ANGPT2: variants seen among roughly 807,000 people sequenced by gnomAD.
The protein encoded by ANGPT2 is angiopoietin 2, also known as angiopoietin-2.
ANGPT2 carries 28 observed loss-of-function variants against 62.9 expected under a neutral mutation model. The observed-to-expected ratio is 0.44, with a 90% CI of 0.33 to 0.61. The LOEUF (loss-of-function observed/expected upper bound fraction) is 0.61. Among genes scored for constraint, ANGPT2 ranks in the 20% least tolerant of loss-of-function variants. The pLI, the probability that ANGPT2 is intolerant of heterozygous loss-of-function variation, is 0.03. For missense variants in ANGPT2, 727 were observed against 594.9 expected (o/e 1.22, Z -2.31); for synonymous variants, 284 against 207.8 (o/e 1.37, Z -3.15).
At chr8:6,523,336 T>G (rs147906475) in intron 3 of ANGPT2, among the ~76,000 whole-genome samples, 138 of 152,226 alleles carry the variant, frequency 9.1e-4, no homozygotes, top group African/African-American at 3.3e-3. Context: ...CTGGTAAAAT[T>G]ATGCCATGTA....
intron 5 of ANGPT2, 125 bp from the exon 6 acceptor site, chr8:6,514,903 C>T (rs1021942318): frequency 1.4e-6 from 1 of 717,376 alleles, no homozygotes; most frequent in Non-Finnish European, 2.4e-6. Context: ...GGATATAAGG[C>T]ACGGAGTAGA....
At chr8:6,540,593 AGGC>A in intron 1 of ANGPT2, among the ~76,000 whole-genome samples, 1 of 152,228 alleles carries the variant, frequency 6.6e-6, no homozygotes, top group Admixed American at 6.5e-5. Flanking sequence ...AGACGTTGTC[AGGC>A]CACGTCTGCA....
rs758147388 is a variant in ANGPT2, at chr8:6,514,731, C to T, written c.975G>A (p.Gln325=). 7.4e-6 allele frequency: 12 copies of T among 1,614,078 alleles called. No homozygotes were observed. In the South Asian group the frequency reaches 1.1e-4, roughly 15 times the overall value. Residue 325 remains glutamine, a synonymous_variant, in exon 6 of 9, where the codon CAG becomes CAA. Coordinates refer to ENST00000629816, the MANE Select transcript of ANGPT2 (RefSeq NM_001118887.2). Reference sequence around the variant, plus strand: ...AATCAACGCTGCCATCCTCACGTCGCTGAATAATTGTCCACCCGCCTCCTC... The same window carrying T: ...AATCAACGCTGCCATCCTCACGTCGTTGAATAATTGTCCACCCGCCTCCTC... ...EAGGGGWTII[Q]RREDGSVDFQ...
At chr8:6,547,413 C>T (rs1444815633) in intron 1 of ANGPT2, among the ~76,000 whole-genome samples, 7 of 152,138 alleles carry the variant, frequency 4.6e-5, no homozygotes, top group Admixed American at 4.6e-4. Context: ...GAAATTTCCT[C>T]TCCCCTTTCA....
chr8:6,543,548 G>C (rs1212011979), intron 1 of ANGPT2, among the ~76,000 whole-genome samples: 2 of 152,164 alleles, frequency 1.3e-5, no homozygotes, highest in Admixed American at 6.6e-5. Context: ...CCAAACCATA[G>C]GGAAAAGCGC....
intron 1 of ANGPT2, among the ~76,000 whole-genome samples, chr8:6,554,502 G>C (rs1213064986): frequency 6.6e-6 from 1 of 151,906 alleles, no homozygotes; most frequent in Non-Finnish European, 1.5e-5. Flanking sequence ...TCTTTAAAAA[G>C]CTCCATTGTC....
chr8:6,559,696 TC>T (rs577888871), intron 1 of ANGPT2, among the ~76,000 whole-genome samples: 2 of 152,360 alleles, frequency 1.3e-5, no homozygotes, highest in South Asian at 2.1e-4. Flanking sequence ...TCCTGTGGTC[TC>T]CTAGCAAAAT....
intron 3 of ANGPT2, among the ~76,000 whole-genome samples, chr8:6,524,135 G>C (rs916035490): frequency 6.6e-6 from 1 of 152,122 alleles, no homozygotes; most frequent in African/African-American, 2.4e-5. Context: ...CCAATATAAA[G>C]TTTAGTACAC....
intron 6 of ANGPT2, 112 bp downstream of exon 6, chr8:6,514,565 C>T: frequency 1.1e-6 from 1 of 927,052 alleles, no homozygotes; most frequent in South Asian, 1.5e-5. Context: ...ATTTTAAAAA[C>T]CATGTCAAAA....
intron 1 of ANGPT2, among the ~76,000 whole-genome samples, chr8:6,540,813 G>A (rs1246285576): frequency 6.6e-6 from 1 of 152,266 alleles, no homozygotes; most frequent in African/African-American, 2.4e-5. Context: ...CCGAACAGGC[G>A]CGGGAGGCAG....
intron 1 of ANGPT2, among the ~76,000 whole-genome samples, chr8:6,546,801 C>G (rs1444067158): frequency 5.3e-5 from 8 of 152,158 alleles, no homozygotes; most frequent in Admixed American, 3.9e-4. Flanking sequence ...CAAGTATTGC[C>G]TTTAATTGTA....
intron 7 of ANGPT2, among the ~76,000 whole-genome samples, chr8:6,511,359 T>C (rs1434307990): frequency 6.6e-6 from 1 of 152,120 alleles, no homozygotes; most frequent in Non-Finnish European, 1.5e-5. Flanking sequence ...AGAGGTAACA[T>C]CAACATTAAC....
intron 1 of ANGPT2, among the ~76,000 whole-genome samples, chr8:6,539,732 G>T (rs527877513): frequency 6.6e-6 from 1 of 152,076 alleles, no homozygotes; most frequent in Non-Finnish European, 1.5e-5. Context: ...GGTTACAGGC[G>T]CACACCACCA....
chr8:6,532,769 G>A (rs1235579908), intron 1 of ANGPT2, among the ~76,000 whole-genome samples: 1 of 152,166 alleles, frequency 6.6e-6, no homozygotes, highest in Non-Finnish European at 1.5e-5. Context: ...CCATGTCATG[G>A]CAGGCCACAG....
intron 8 of ANGPT2, among the ~76,000 whole-genome samples, chr8:6,504,810 G>C (rs1271259736): frequency 3.9e-5 from 6 of 152,258 alleles, no homozygotes; most frequent in African/African-American, 2.4e-5. Context: ...AACTTTGTAA[G>C]TATGTGTGAA....
rs1815888658 is a variant in ANGPT2, at chr8:6,514,668, T to C, written c.1029+9A>G. On this transcript the variant is annotated intron_variant, in intron 6 of 8. Transcript: ENST00000629816. ...AATTCTTTTCTGATGCCTTAAAGAATGTCCTTACCACTTTATATTCTTTCC... is the reference window on the plus strand; with the variant it reads ...AATTCTTTTCTGATGCCTTAAAGAACGTCCTTACCACTTTATATTCTTTCC... 1 of 1,612,444 alleles carries C rather than the reference T, an allele frequency of 6.2e-7. No homozygotes were observed. Among genetic ancestry groups the C allele is most frequent in the Non-Finnish European group, 8.5e-7 (1 of 1,178,514 alleles).
chr8:6,558,622 G>T (rs1355234542), intron 1 of ANGPT2, among the ~76,000 whole-genome samples: 2 of 152,248 alleles, frequency 1.3e-5, no homozygotes, highest in Admixed American at 6.5e-5. Context: ...AAGATTTTCA[G>T]AGTTCAGTAT....
At chr8:6,553,077 C>T (rs1175413158) in intron 1 of ANGPT2, among the ~76,000 whole-genome samples, 2 of 152,038 alleles carry the variant, frequency 1.3e-5, no homozygotes, top group Non-Finnish European at 2.9e-5. Flanking sequence ...ATGTACAGCA[C>T]CAGATGTCAA....
intron 1 of ANGPT2, among the ~76,000 whole-genome samples, chr8:6,555,119 C>G (rs1414189469): frequency 6.6e-6 from 1 of 152,002 alleles, no homozygotes; most frequent in African/African-American, 2.4e-5. Context: ...ATTTTTTTTA[C>G]TCTTTTTATT....
Sources: gnomAD v4.1 joint callset for allele counts (sites outside exome capture counted in the v4.1 genomes callset) on GRCh38, gnomAD v4.1.1 for gene constraint, MANE v1.5 for transcripts, NCBI Gene and HGNC (gene_info 2026-07-23, HGNC 2026-07-21) for gene names.